The following HDAC9 variants were observed in gnomAD, a reference collection of about 807,000 sequenced individuals.
HDAC9 encodes MEF-2 interacting transcription repressor (MITR) protein.
HDAC9 carries 41 observed loss-of-function variants against 139.4 expected under a neutral mutation model. That is an observed-to-expected ratio of 0.29 (90% CI 0.23 to 0.38). The LOEUF (loss-of-function observed/expected upper bound fraction) is 0.38. Among genes scored for constraint, HDAC9 ranks in the 10% least tolerant of loss-of-function variants. The pLI, the probability that HDAC9 is intolerant of heterozygous loss-of-function variation, is 1.00. For synonymous variants in HDAC9, 517 were observed against 476.2 expected, an observed-to-expected ratio of 1.09 and a Z score of -1.12; for missense variants, 1,147 against 1,297.0, an observed-to-expected ratio of 0.88 and a Z score of 1.78.
chr7:18,679,071 A>T (rs1781712533), intron 12 of HDAC9, among the ~76,000 whole-genome samples: 1 of 151,910 alleles, frequency 6.6e-6, no homozygotes, highest in Non-Finnish European at 1.5e-5. Context: ...TTTAGTAAAG[A>T]TCTGAAAAAA....
intron 24 of HDAC9, among the ~76,000 whole-genome samples, chr7:18,970,205 C>T (rs559384092): frequency 2.2e-4 from 33 of 152,178 alleles, no homozygotes; most frequent in Non-Finnish European, 3.7e-4. Context: ...ATAAGAATAT[C>T]AGTATATTGT....
intron 2 of HDAC9, among the ~76,000 whole-genome samples, chr7:18,538,027 G>C (rs1811468902): frequency 6.6e-6 from 1 of 152,190 alleles, no homozygotes; most frequent in South Asian, 2.1e-4. Flanking sequence ...TTACTTTGTA[G>C]TAGACCACTC....
At chr7:18,640,532 C>T (rs576652916) in intron 8 of HDAC9, among the ~76,000 whole-genome samples, 33 of 151,730 alleles carry the variant, frequency 2.2e-4, no homozygotes, top group African/African-American at 7.5e-4. Flanking sequence ...GCCTCCCTCC[C>T]TCCTTCCTTG....
chr7:18,699,320 A>G (rs547471215), intron 12 of HDAC9, among the ~76,000 whole-genome samples: 35 of 152,250 alleles, frequency 2.3e-4, no homozygotes, highest in African/African-American at 8.2e-4. Flanking sequence ...TTAGAATCTT[A>G]AAAGCACAGA....
chr7:18,768,174 A>G (rs1315167690), intron 16 of HDAC9, among the ~76,000 whole-genome samples: 2 of 152,190 alleles, frequency 1.3e-5, no homozygotes, highest in Non-Finnish European at 2.9e-5. Context: ...CTTGTGAAAT[A>G]GTCATTAACA....
At chr7:18,875,495 G>C (rs1799252335) in intron 22 of HDAC9, among the ~76,000 whole-genome samples, 1 of 152,104 alleles carries the variant, frequency 6.6e-6, no homozygotes, top group African/African-American at 2.4e-5. Context: ...ATAGCGTCAT[G>C]CCAACCTTTG....
chr7:18,400,603 C>A (rs1787449908), intron 1 of HDAC9, among the ~76,000 whole-genome samples: 1 of 152,110 alleles, frequency 6.6e-6, no homozygotes, highest in Non-Finnish European at 1.5e-5. Flanking sequence ...TGGACAGTTT[C>A]TGGAATGGGA....
At chr7:18,131,290 A>G (rs1022027694) in intron 1 of HDAC9, among the ~76,000 whole-genome samples, 1 of 152,158 alleles carries the variant, frequency 6.6e-6, no homozygotes, top group Non-Finnish European at 1.5e-5. Flanking sequence ...TTCAGTGCCC[A>G]ATATTTGTTA....
At chr7:18,869,187 T>TGTGTGTGTGTGTGTGTGTGTGTG (rs1798724705) in intron 21 of HDAC9, among the ~76,000 whole-genome samples, 1 of 136,690 alleles carries the variant, frequency 7.3e-6, no homozygotes, top group African/African-American at 2.7e-5. Flanking sequence ...TGTGTGTGTG[T>TGTGTGTGTGTGTGTGTGTGTGTG]TGCGGTAGGG....
intron 2 of HDAC9, among the ~76,000 whole-genome samples, chr7:18,565,638 A>C (rs1441770689): frequency 6.6e-6 from 1 of 152,136 alleles, no homozygotes; most frequent in Non-Finnish European, 1.5e-5. Flanking sequence ...CTTCTGTAGA[A>C]AAAAAGAAAA....
chr7:18,320,141 C>CACACTG (rs1799927364), intron 1 of HDAC9, among the ~76,000 whole-genome samples: 1 of 152,230 alleles, frequency 6.6e-6, no homozygotes, highest in Non-Finnish European at 1.5e-5. Context: ...GACATTCAAC[C>CACACTG]ACACTGAGGG....
At chr7:18,627,184 C>G (rs1841944083) in intron 6 of HDAC9, among the ~76,000 whole-genome samples, 1 of 152,182 alleles carries the variant, frequency 6.6e-6, no homozygotes, top group Admixed American at 6.5e-5. Context: ...CCCATGCAGA[C>G]TGAATTCACA....
At chr7:18,415,939 CT>C (rs1789014283) in intron 1 of HDAC9, among the ~76,000 whole-genome samples, 1 of 152,036 alleles carries the variant, frequency 6.6e-6, no homozygotes, top group Non-Finnish European at 1.5e-5. Context: ...ATAAACTTCA[CT>C]TGGTCATGAT....
At chr7:18,470,126 C>G (rs1330002829) in intron 1 of HDAC9, among the ~76,000 whole-genome samples, 1 of 151,940 alleles carries the variant, frequency 6.6e-6, no homozygotes, top group Non-Finnish European at 1.5e-5. Flanking sequence ...CCCCTTGAGG[C>G]CAGGAGTTCG....
At chr7:18,600,798 C>T (rs1234081282) in intron 6 of HDAC9, among the ~76,000 whole-genome samples, 1 of 152,024 alleles carries the variant, frequency 6.6e-6, no homozygotes, top group East Asian at 1.9e-4. Context: ...TTGTCAATAA[C>T]CACCAAATAA....
At chr7:18,159,735 G>A (rs1029372189) in intron 1 of HDAC9, among the ~76,000 whole-genome samples, 1 of 152,008 alleles carries the variant, frequency 6.6e-6, no homozygotes, top group African/African-American at 2.4e-5. Context: ...TATTGGAAAT[G>A]GAAATGCAAT....
At chr7:18,364,943 G>C (rs1188728862) in intron 1 of HDAC9, among the ~76,000 whole-genome samples, 3 of 152,144 alleles carry the variant, frequency 2.0e-5, no homozygotes, top group Non-Finnish European at 4.4e-5. Context: ...ACAAGAAAAA[G>C]TTGAGTCTGT....
chr7:18,180,278 A>C (rs1465424184), intron 2 of HDAC9, among the ~76,000 whole-genome samples: 1 of 145,698 alleles, frequency 6.9e-6, no homozygotes, highest in Non-Finnish European at 1.5e-5. Flanking sequence ...CACACACCAC[A>C]TTCTTAACCT....
chr7:18,571,280 T>C (rs1824193071), intron 2 of HDAC9, among the ~76,000 whole-genome samples: 1 of 152,218 alleles, frequency 6.6e-6, no homozygotes, highest in African/African-American at 2.4e-5. Context: ...GCATTTTCTT[T>C]GAAAAAACAG....
Sources: allele counts gnomAD v4.1 joint callset (sites outside exome capture counted in the v4.1 genomes callset), GRCh38; gene constraint gnomAD v4.1.1; transcripts MANE v1.5; gene names NCBI Gene and HGNC (gene_info 2026-07-23, HGNC 2026-07-21).